Variants in IGSF11 observed in about 807,000 individuals in gnomAD.
The protein encoded by IGSF11 is CXADR like 1.
IGSF11 carries 22 observed loss-of-function variants against 41.0 expected under a neutral mutation model. The ratio of observed to expected loss-of-function variants is 0.54; its 90% CI spans 0.38 to 0.77. IGSF11 has a LOEUF of 0.77. Among genes scored for constraint, IGSF11 ranks in the 30% least tolerant of loss-of-function variants. The pLI is 0.00. For missense variants in IGSF11, 444 were observed against 530.8 expected, an observed-to-expected ratio of 0.84 and a Z score of 1.61; for synonymous variants, 219 against 201.3, an observed-to-expected ratio of 1.09 and a Z score of -0.74.
intron 1 of IGSF11, among the ~76,000 whole-genome samples, chr3:119,125,625 C>T (rs2077393983): frequency 6.6e-6 from 1 of 152,124 alleles, no homozygotes; most frequent in Non-Finnish European, 1.5e-5. Flanking sequence ...GGGAATGTCA[C>T]GATGGCCTGA....
At position 119,034,578 on chromosome 3, in the gene IGSF11, G is replaced by A; in HGVS notation, c.5C>T (p.Thr2Ile). The change falls in exon 1 of 7, where the codon ACT becomes ATT. Residue 2 changes from threonine (T) to isoleucine (I), a missense_variant. Around this residue, in one of 3 missense-constraint regions of IGSF11, gnomAD observed 28 missense variants for 21.1 expected, o/e 1.33. Coordinates refer to ENST00000393775, the MANE Select transcript of IGSF11 (RefSeq NM_001015887.3). Reference sequence around the variant, plus strand: ...AGGCGCCAGAGGGGAACGCTGAGAAGTCATCCCGGGGCCGCAGGGAGCGCG... The same window carrying A: ...AGGCGCCAGAGGGGAACGCTGAGAAATCATCCCGGGGCCGCAGGGAGCGCG... M[T>I]SQRSPLAPLL... is the part of the protein sequence containing the mutation. The A allele has an allele frequency of 1.3e-6, 2 of 1,591,930 alleles. No homozygotes were observed. The highest frequency in any genetic ancestry group is 1.4e-5 in the African/African-American group (1 of 73,718).
chr3:118,958,628 G>A (rs549751440), intron 1 of IGSF11, among the ~76,000 whole-genome samples: 2 of 152,300 alleles, frequency 1.3e-5, no homozygotes, highest in East Asian at 3.9e-4. Flanking sequence ...ACATTTTATA[G>A]TTATGATTGT....
intron 1 of IGSF11, among the ~76,000 whole-genome samples, chr3:118,974,972 T>A (rs1933907632): frequency 6.6e-6 from 1 of 152,114 alleles, no homozygotes; most frequent in Admixed American, 6.6e-5. Context: ...TCAGTTTCTA[T>A]CAATTTACCT....
intron 1 of IGSF11, among the ~76,000 whole-genome samples, chr3:119,009,316 A>G (rs188617151): frequency 7.9e-5 from 12 of 152,262 alleles, no homozygotes; most frequent in African/African-American, 1.9e-4. Flanking sequence ...AAGAACCTAT[A>G]AATAATTGAT....
chr3:119,016,361 G>A (rs1204852624), intron 1 of IGSF11, among the ~76,000 whole-genome samples: 1 of 152,156 alleles, frequency 6.6e-6, no homozygotes, highest in Non-Finnish European at 1.5e-5. Flanking sequence ...GAACATGAAT[G>A]ACAAAGATGA....
intron 1 of IGSF11, among the ~76,000 whole-genome samples, chr3:119,073,329 G>A (rs920146508): frequency 1.8e-4 from 28 of 152,186 alleles, no homozygotes; most frequent in South Asian, 4.1e-4. Flanking sequence ...GAGCCCAGCC[G>A]GCTTTGCCTA....
chr3:119,001,182 G>C (rs1446105510), intron 1 of IGSF11, among the ~76,000 whole-genome samples: 1 of 150,020 alleles, frequency 6.7e-6, no homozygotes, highest in Non-Finnish European at 1.5e-5. Flanking sequence ...GCCTACCCTT[G>C]TCATGTTATG....
At chr3:118,917,984 T>C (rs1415969963) in intron 4 of IGSF11, among the ~76,000 whole-genome samples, 1 of 137,174 alleles carries the variant, frequency 7.3e-6, no homozygotes, top group African/African-American at 3.0e-5. Context: ...ATCCAGCATA[T>C]AAACAGAGCC....
intron 1 of IGSF11, among the ~76,000 whole-genome samples, chr3:119,050,947 G>A (rs1350551806): frequency 2.1e-5 from 3 of 144,880 alleles, no homozygotes; most frequent in Non-Finnish European, 4.5e-5. Flanking sequence ...ATTGAACAAT[G>A]ATATCACATG....
intron 1 of IGSF11, among the ~76,000 whole-genome samples, chr3:118,946,569 C>A (rs1028088001): frequency 2.0e-5 from 3 of 152,124 alleles, no homozygotes; most frequent in African/African-American, 4.8e-5. Flanking sequence ...CTGAATAAGA[C>A]TGACATAGTA....
intron 1 of IGSF11, among the ~76,000 whole-genome samples, chr3:119,070,119 A>G (rs1328428286): frequency 6.6e-6 from 1 of 152,216 alleles, no homozygotes; most frequent in Non-Finnish European, 1.5e-5. Flanking sequence ...AAGTTCTGGA[A>G]TTTAGAACTC....
In IGSF11 at chr3:119,074,342, A is replaced by ACT. The variant is rs1455459367; in HGVS notation, c.49+30801_49+30802insAG. 8.6e-4 allele frequency among the ~76,000 whole-genome samples: 131 copies of ACT among 152,322 alleles called. 3 individuals carry two copies. The South Asian group carries it at 0.026, about 31-fold the overall frequency. ...ATGGACCACAGTGCAATAAAAAAAG[A>ACT]AATTAATACCAAAAGGTCTCTCAAC... On this transcript the variant is annotated intron_variant, in intron 1 of 6. Transcript: ENST00000354673.
At chr3:119,017,776 CTTTTTT>C (rs567222914) in intron 1 of IGSF11, among the ~76,000 whole-genome samples, 2 of 100,258 alleles carry the variant, frequency 2.0e-5, no homozygotes, top group Non-Finnish European at 2.0e-5. Flanking sequence ...GTTTGTTTTA[CTTTTTT>C]TTTTTTTTTT....
chr3:118,929,064 A>T (rs961408844), intron 2 of IGSF11, among the ~76,000 whole-genome samples: 1 of 152,216 alleles, frequency 6.6e-6, no homozygotes, highest in Admixed American at 6.5e-5. Context: ...TGCCATTCTC[A>T]TGCTTATTAG....
intron 1 of IGSF11, among the ~76,000 whole-genome samples, chr3:118,960,044 C>CAAAA (rs199913346): frequency 1.8e-4 from 15 of 81,096 alleles, no homozygotes; most frequent in South Asian, 6.2e-4. Flanking sequence ...GACTCCGTCT[C>CAAAA]AAAAAAAAAA....
intron 1 of IGSF11, among the ~76,000 whole-genome samples, chr3:118,985,375 C>T (rs1935148819): frequency 6.6e-6 from 1 of 152,112 alleles, no homozygotes; most frequent in South Asian, 2.1e-4. Flanking sequence ...AAATTTCTGT[C>T]TCTGTCACAA....
upstream of IGSF11, among the ~76,000 whole-genome samples, chr3:119,038,311 A>C (rs1335568101): frequency 2.0e-5 from 3 of 151,464 alleles, no homozygotes; most frequent in Non-Finnish European, 4.4e-5. Context: ...CATAACGTAG[A>C]TATATTGATA....
chr3:119,016,012 G>A (rs1576649671), intron 1 of IGSF11, among the ~76,000 whole-genome samples: 1 of 152,212 alleles, frequency 6.6e-6, no homozygotes, highest in African/African-American at 2.4e-5. Flanking sequence ...CTGAAAGAGT[G>A]AGGGAGGACA....
intron 1 of IGSF11, among the ~76,000 whole-genome samples, chr3:119,054,661 G>T (rs1941751603): frequency 6.6e-6 from 1 of 152,162 alleles, no homozygotes; most frequent in African/African-American, 2.4e-5. Flanking sequence ...ACCATTTGAT[G>T]CAGCAATCCT....
Sources: gnomAD v4.1 joint callset for allele counts (sites outside exome capture counted in the v4.1 genomes callset) on GRCh38, gnomAD v4.1.1 for gene constraint, gnomAD v4.1.1 regional missense constraint, MANE v1.5 for transcripts, NCBI Gene and HGNC (gene_info 2026-07-23, HGNC 2026-07-21) for gene names.